BMPR1A: variants seen among roughly 807,000 people sequenced by gnomAD.
BMPR1A encodes the protein bone morphogenetic protein receptor type 1A, also known as bone morphogenetic protein receptor type-1A.
In BMPR1A, 7 loss-of-function variants were observed where a neutral mutation model predicts 66.0. That is an observed-to-expected ratio of 0.11 (90% CI 0.06 to 0.20). The LOEUF (loss-of-function observed/expected upper bound fraction) is 0.20, where lower values mean the gene tolerates loss of function less well. Ranked by LOEUF, BMPR1A falls within the 10% of genes least tolerant of loss-of-function variation. The pLI, the probability that BMPR1A is intolerant of heterozygous loss-of-function variation, is 1.00. For missense variants in BMPR1A, 408 were observed against 669.1 expected (o/e 0.61, Z 4.31); for synonymous variants, 200 against 229.7 (o/e 0.87, Z 1.17).
chr10:86,874,709 CTTTTTTTT>C (rs200991488), intron 2 of BMPR1A, among the ~76,000 whole-genome samples: 12 of 92,436 alleles, frequency 1.3e-4, no homozygotes, highest in East Asian at 7.4e-4. Flanking sequence ...ACCCGACCTT[CTTTTTTTT>C]TTTTTTTTTT....
intron 8 of BMPR1A, among the ~76,000 whole-genome samples, chr10:86,915,508 C>A (rs1293771426): frequency 6.6e-6 from 1 of 151,940 alleles, no homozygotes; most frequent in African/African-American, 2.4e-5. Context: ...GCAGGCAGAT[C>A]ACTTGAGGTC....
upstream of BMPR1A, chr10:86,755,802 C>G (rs1847848220): frequency 6.6e-6 from 1 of 152,066 alleles, no homozygotes; most frequent in African/African-American, 2.4e-5. Flanking sequence ...CTGGAATTCG[C>G]GGGCTCGCAG....
chr10:86,860,338 C>T (rs1479241014), intron 2 of BMPR1A, among the ~76,000 whole-genome samples: 2 of 152,030 alleles, frequency 1.3e-5, no homozygotes, highest in East Asian at 3.8e-4. Context: ...TTTTATATAT[C>T]TGTAGAAAGT....
At chr10:86,896,165 G>GAAAAA (rs35504090) in intron 5 of BMPR1A, among the ~76,000 whole-genome samples, 6 of 103,766 alleles carry the variant, frequency 5.8e-5, no homozygotes, top group Non-Finnish European at 4.4e-5. Context: ...AAAAAGAAAA[G>GAAAAA]AAAAAAAAAA....
chr10:86,864,715 T>TC lies in BMPR1A; in HGVS notation c.-152-11151dup, dbSNP rs571845059. Among the ~76,000 whole-genome samples, 18 of 152,252 alleles carry TC rather than the reference T, an allele frequency of 1.2e-4. No individual in the cohort carries two copies. The East Asian group carries it at 1.3e-3, about 11-fold the overall frequency. ...GCACTCTCTAATTGGATGTCCTGGG[T>TC]CTCCCAATTCTGTCCTTTAATACCC... On this transcript the variant is annotated intron_variant, in intron 2 of 12. Coordinates refer to ENST00000372037, the MANE Select transcript of BMPR1A (RefSeq NM_004329.3).
At position 86,907,274 on chromosome 10, in the gene BMPR1A, T is replaced by C. The variant is rs1345172064; in HGVS notation, c.531-4966T>C. 1.3e-5 allele frequency among the ~76,000 whole-genome samples: 2 copies of C among 152,184 alleles called. 1 individual carries two copies. The highest frequency in any genetic ancestry group is 1.3e-4 in the Admixed American group (2 of 15,284). On this transcript the variant is annotated intron_variant, in intron 7 of 12. Transcript: ENST00000372037. ...TACATCATGTTAAGAATAGCAGAGA[T>C]TGTCACAATGAGATATCAACCTCAC...
chr10:86,773,954 G>A (rs1052676126), intron 1 of BMPR1A, among the ~76,000 whole-genome samples: 1 of 151,266 alleles, frequency 6.6e-6, no homozygotes, highest in African/African-American at 2.4e-5. Flanking sequence ...GGGTTCAAGC[G>A]ATTCTCCTGC....
At chr10:86,831,238 A>G (rs1246159078) in intron 1 of BMPR1A, among the ~76,000 whole-genome samples, 2 of 152,222 alleles carry the variant, frequency 1.3e-5, no homozygotes, top group Admixed American at 6.5e-5. Flanking sequence ...AGATGTACGC[A>G]TGCGAGTACT....
intron 2 of BMPR1A, among the ~76,000 whole-genome samples, chr10:86,858,252 TA>T (rs1842671316): frequency 6.6e-6 from 1 of 152,226 alleles, no homozygotes; most frequent in African/African-American, 2.4e-5. Context: ...CTTAATGTGA[TA>T]AAGACTTTCA....
At chr10:86,778,480 TTTC>T (rs1279639368) in intron 1 of BMPR1A, among the ~76,000 whole-genome samples, 3 of 151,914 alleles carry the variant, frequency 2.0e-5, no homozygotes, top group Non-Finnish European at 2.9e-5. Context: ...CAAGACAATT[TTTC>T]TTCTTCCATC....
chr10:86,874,673 C>G (rs180764924), intron 2 of BMPR1A, among the ~76,000 whole-genome samples: 26 of 145,738 alleles, frequency 1.8e-4, no homozygotes, highest in Middle Eastern at 3.8e-3. Context: ...TCTCAAAGTG[C>G]TGGGATTACA....
chr10:86,842,154 A>G (rs1842432792), intron 2 of BMPR1A, among the ~76,000 whole-genome samples: 1 of 152,064 alleles, frequency 6.6e-6, no homozygotes, highest in Non-Finnish European at 1.5e-5. Context: ...TTGAGGATGG[A>G]TCCCTCAACC....
chr10:86,794,324 CTG>C (rs1436396083), intron 1 of BMPR1A, among the ~76,000 whole-genome samples: 1 of 152,090 alleles, frequency 6.6e-6, no homozygotes, highest in Admixed American at 6.6e-5. Flanking sequence ...TGTAGCAGCA[CTG>C]TGACGTTAGG....
At chr10:86,853,928 G>A (rs998136363) in intron 2 of BMPR1A, among the ~76,000 whole-genome samples, 3 of 152,168 alleles carry the variant, frequency 2.0e-5, no homozygotes, top group Non-Finnish European at 4.4e-5. Flanking sequence ...CAGGAGACAG[G>A]GTTTGAGAGC....
At chr10:86,890,327 T>C in intron 4 of BMPR1A, 103 bp downstream of exon 4, 3 of 1,409,342 alleles carry the variant, frequency 2.1e-6, no homozygotes, top group Non-Finnish European at 3.0e-6. Flanking sequence ...TTTTCATTCA[T>C]ATATAGTATC....
intron 1 of BMPR1A, among the ~76,000 whole-genome samples, chr10:86,821,937 G>C (rs1254875904): frequency 6.6e-6 from 1 of 152,050 alleles, no homozygotes; most frequent in Non-Finnish European, 1.5e-5. Context: ...CTGAGTAGCT[G>C]GGACAGCAGG....
intron 1 of BMPR1A, among the ~76,000 whole-genome samples, chr10:86,802,086 G>T (rs1293455992): frequency 6.6e-6 from 1 of 152,044 alleles, no homozygotes; most frequent in Non-Finnish European, 1.5e-5. Context: ...GTCGTTGAGG[G>T]CCTCCATTGT....
chr10:86,841,920 C>T (rs1046564927), intron 2 of BMPR1A, among the ~76,000 whole-genome samples: 2 of 152,220 alleles, frequency 1.3e-5, no homozygotes, highest in Admixed American at 6.5e-5. Flanking sequence ...GATAGCTGAA[C>T]ATGTGCAGGC....
intron 1 of BMPR1A, among the ~76,000 whole-genome samples, chr10:86,760,900 G>A (rs578121415): frequency 6.6e-6 from 1 of 152,302 alleles, no homozygotes; most frequent in East Asian, 1.9e-4. Flanking sequence ...ATTGAGTTAT[G>A]TCCATTGTAA....
Sources: allele counts gnomAD v4.1 joint callset (sites outside exome capture counted in the v4.1 genomes callset), GRCh38; gene constraint gnomAD v4.1.1; transcripts MANE v1.5; gene names NCBI Gene and HGNC (gene_info 2026-07-23, HGNC 2026-07-21).